Variants in ANO2 observed in about 807,000 individuals in gnomAD.
ANO2 encodes the protein anoctamin-2.
Under a neutral mutation model 124.2 loss-of-function variants are expected in ANO2, and 101 were observed. That is an observed-to-expected ratio of 0.81 (90% CI 0.69 to 0.96). The LOEUF is 0.96. ANO2 is among the 40% of genes least tolerant of loss of function. ANO2 has a pLI of 0.00. For missense variants in ANO2, 1,293 were observed against 1,274.5 expected, an observed-to-expected ratio of 1.01 and a Z score of -0.22; for synonymous variants, 486 against 482.5, an observed-to-expected ratio of 1.01 and a Z score of -0.09.
chr12:5,656,787 C>T (rs1947181649), intron 14 of ANO2, among the ~76,000 whole-genome samples: 1 of 152,232 alleles, frequency 6.6e-6, no homozygotes. Flanking sequence ...TAACCAGCCT[C>T]ACTTAGATCC....
rs1368531231 is a variant in ANO2, at chr12:5,635,716, G to A, written c.1621-369C>T. Among the ~76,000 whole-genome samples, 1 of 151,978 alleles carries A rather than the reference G, an allele frequency of 6.6e-6. No homozygotes were observed. The highest frequency in any genetic ancestry group is 1.5e-5 in the Non-Finnish European group (1 of 68,018). ...TAGGGAGCTTTTGATCTTCTAAAGA[G>A]ATAACATGAACTCCTTTTAAATAAA... On this transcript the variant is annotated intron_variant, in intron 15 of 24. Coordinates refer to ENST00000682330, the MANE Select transcript of ANO2 (RefSeq NM_001364791.2). The surrounding 1 kb of genome is among the most constrained non-coding windows in gnomAD (Gnocchi z 5.2).
intron 10 of ANO2, among the ~76,000 whole-genome samples, chr12:5,760,381 G>C (rs940042186): frequency 6.6e-6 from 1 of 152,156 alleles, no homozygotes; most frequent in Admixed American, 6.5e-5. Flanking sequence ...AGGGAAATGA[G>C]AGCTCTGTCC....
At chr12:5,910,399 G>C (rs190353505) in intron 3 of ANO2, among the ~76,000 whole-genome samples, 17 of 152,222 alleles carry the variant, frequency 1.1e-4, no homozygotes, top group Admixed American at 1.0e-3. Flanking sequence ...GGCTGGTCTT[G>C]AACTCCTGAC....
In ANO2 at chr12:5,615,293, A is replaced by G. The variant is rs1470193937; in HGVS notation, c.1821T>C (p.Val607=). 1 of 1,611,848 alleles carries G rather than the reference A, an allele frequency of 6.2e-7. No homozygotes were observed. Among genetic ancestry groups the G allele is most frequent in the African/African-American group, 1.3e-5 (1 of 74,898 alleles). Residue 607 remains valine (V), a synonymous_variant, in exon 17 of 25, where the codon GTT becomes GTC. Transcript: ENST00000682330. ...AVAKWLTKIE[V]PKTEQTFEER... ...CTTCAAAAGTCTGTTCTGTTTTCGGAACCTCTGTAAGAGAAGAGCGAGGCT... is the reference window on the plus strand; with the variant it reads ...CTTCAAAAGTCTGTTCTGTTTTCGGGACCTCTGTAAGAGAAGAGCGAGGCT...
At chr12:5,661,508 T>TG (rs1055228271) in intron 14 of ANO2, among the ~76,000 whole-genome samples, 2 of 151,956 alleles carry the variant, frequency 1.3e-5, no homozygotes, top group African/African-American at 4.8e-5. Context: ...CTTACTGTGC[T>TG]GGGGGTGGGT....
chr12:5,772,282 A>G (rs553343772), intron 10 of ANO2, among the ~76,000 whole-genome samples: 9 of 152,354 alleles, frequency 5.9e-5, no homozygotes, highest in East Asian at 5.8e-4. Context: ...TGAAAACCCA[A>G]TGTTAAAAGG....
intron 16 of ANO2, among the ~76,000 whole-genome samples, chr12:5,622,368 C>T (rs1211138220): frequency 6.6e-6 from 1 of 152,182 alleles, no homozygotes; most frequent in Non-Finnish European, 1.5e-5. Flanking sequence ...AAAAAACAGC[C>T]TGTGCCTGTG....
Position 5,615,400 on chromosome 12 carries a change from A to G in ANO2, c.1817-103T>C, listed in dbSNP as rs549485691. 1.1e-5 allele frequency: 9 copies of G among 819,836 alleles called. No homozygotes were observed. In the East Asian group the frequency reaches 2.4e-4, roughly 22 times the overall value. The allele number at this position is 819,836 out of a possible 1,614,324, so 50.8% of individuals were successfully genotyped here. On this transcript the variant is annotated intron_variant, in intron 16 of 24. Transcript: ENST00000682330. Reference sequence around the variant, plus strand: ...ACTATCTCTCAGCTGACTCCTTCACAGCAAAAATCACGAGACCCATCTCTC... The same window carrying G: ...ACTATCTCTCAGCTGACTCCTTCACGGCAAAAATCACGAGACCCATCTCTC...
At chr12:5,923,887 C>T (rs2136308304) in intron 1 of ANO2, among the ~76,000 whole-genome samples, 1 of 152,322 alleles carries the variant, frequency 6.6e-6, no homozygotes, top group South Asian at 2.1e-4. Context: ...TAAACCTCAG[C>T]TCTGCCACTT....
chr12:5,945,068 C>T (rs1943043857), intron 1 of ANO2, 128 bp downstream of exon 1: 3 of 798,480 alleles, frequency 3.8e-6, no homozygotes, highest in South Asian at 1.9e-5. Flanking sequence ...CAACTTCCCG[C>T]ACCACCCTGC....
intron 10 of ANO2, among the ~76,000 whole-genome samples, chr12:5,765,167 A>G (rs1951852650): frequency 6.6e-6 from 1 of 152,234 alleles, no homozygotes; most frequent in Non-Finnish European, 1.5e-5. Context: ...ATACCATTTA[A>G]GAGAAACAGT....
At chr12:5,673,935 G>A (rs1948121727) in intron 14 of ANO2, among the ~76,000 whole-genome samples, 1 of 152,146 alleles carries the variant, frequency 6.6e-6, no homozygotes, top group African/African-American at 2.4e-5. Context: ...GCAAGGCTTG[G>A]GGAAGGAGTG....
chr12:5,808,983 G>A (rs968097560), intron 7 of ANO2, among the ~76,000 whole-genome samples: 28 of 152,196 alleles, frequency 1.8e-4, no homozygotes, highest in African/African-American at 6.8e-4. Flanking sequence ...AGAAGTGGCT[G>A]CTCTTCCAAT....
chr12:5,745,090 G>A (rs1215485752), intron 11 of ANO2, among the ~76,000 whole-genome samples: 6 of 152,142 alleles, frequency 3.9e-5, no homozygotes, highest in Non-Finnish European at 7.3e-5. Context: ...CCATTTAATG[G>A]ACTGAGGAAT....
At chr12:5,889,224 C>T (rs1358173682) in intron 3 of ANO2, among the ~76,000 whole-genome samples, 1 of 152,206 alleles carries the variant, frequency 6.6e-6, no homozygotes, top group Non-Finnish European at 1.5e-5. Context: ...CCCGACCATG[C>T]CTCTCCCTCT....
rs568337714 is a variant in ANO2, at chr12:5,921,110, C to T, written c.464G>A (p.Arg155Lys). Residue 155 changes from arginine (R) to lysine (K), a missense_variant, in exon 3 of 25, where the codon AGG becomes AAG. Transcript: ENST00000682330. ...CTCAAATTCCTCCCGCTGCTCCTTC[C>T]TCTCCTCCTCCAGGGCATCGAGCGG... ...LGPLDALEEERKEQREEFEHN... is the reference protein window; with the variant it reads ...LGPLDALEEEKKEQREEFEHN... 1.8e-5 allele frequency: 29 copies of T among 1,613,952 alleles called. No individual in the cohort carries two copies. The highest frequency in any genetic ancestry group is 2.4e-5 in the Non-Finnish European group (28 of 1,179,870).
chr12:5,746,120 C>G (rs1391598296), intron 11 of ANO2, among the ~76,000 whole-genome samples: 2 of 152,186 alleles, frequency 1.3e-5, no homozygotes, highest in African/African-American at 4.8e-5. Flanking sequence ...TTCTTTTAAG[C>G]ATGGACTGAG....
At chr12:5,836,064 G>T (rs1451789514) in intron 4 of ANO2, among the ~76,000 whole-genome samples, 1 of 52,468 alleles carries the variant, frequency 1.9e-5, no homozygotes, top group Non-Finnish European at 4.4e-5. Flanking sequence ...TTCAATGGCA[G>T]ATTTGGACCA....
intron 7 of ANO2, among the ~76,000 whole-genome samples, chr12:5,827,493 T>C (rs1037570930): frequency 6.6e-6 from 1 of 151,666 alleles, no homozygotes; most frequent in Non-Finnish European, 1.5e-5. Context: ...AAGTGGCAGG[T>C]GTGGGCGGTA....
Sources: gnomAD v4.1 joint callset for allele counts (sites outside exome capture counted in the v4.1 genomes callset) on GRCh38, gnomAD v4.1.1 for gene constraint, Gnocchi (gnomAD v3.1) non-coding constraint, MANE v1.5 for transcripts, NCBI Gene and HGNC (gene_info 2026-07-23, HGNC 2026-07-21) for gene names.